The following PPP1R21 variants were observed in gnomAD, a reference collection of about 807,000 sequenced individuals.
PPP1R21 encodes KLRAQ motif containing 1.
Under a neutral mutation model 112.8 loss-of-function variants are expected in PPP1R21, and 85 were observed. That is an observed-to-expected ratio of 0.75 (90% CI 0.63 to 0.90). The LOEUF (loss-of-function observed/expected upper bound fraction) is 0.90. Among genes scored for constraint, PPP1R21 ranks in the 40% least tolerant of loss-of-function variants. The probability of loss-of-function intolerance (pLI) is 0.00; values close to 1 mark genes in which losing one functional copy is unlikely to be tolerated. For synonymous variants in PPP1R21, 381 were observed against 322.3 expected (o/e 1.18, Z -1.95); for missense variants, 1,199 against 901.5 (o/e 1.33, Z -4.23).
intron 21 of PPP1R21, among the ~76,000 whole-genome samples, chr2:48,514,153 T>G (rs1250528823): frequency 7.2e-6 from 1 of 139,364 alleles, no homozygotes; most frequent in Non-Finnish European, 1.5e-5. Context: ...CGGCGCCATC[T>G]TGGCTCACTG....
chr2:48,443,674 C>A (rs967518859), intron 1 of PPP1R21, among the ~76,000 whole-genome samples: 1 of 152,212 alleles, frequency 6.6e-6, no homozygotes, highest in African/African-American at 2.4e-5. Flanking sequence ...CACAGGAGAA[C>A]AGATCCTGAT....
chr2:48,491,127 A>G lies in PPP1R21; in HGVS notation c.1556A>G (p.Gln519Arg). The G allele has an allele frequency of 1.2e-6, 2 of 1,614,138 alleles. No homozygotes were observed. Among genetic ancestry groups the G allele is most frequent in the African/African-American group, 1.3e-5 (1 of 75,060 alleles). ...CCTCTTTCAGCTGAATGCATGCTAC[A>G]GTATAAGAAAAAAGCTGCTGCCTAT... Reference protein sequence around the residue: ...ISPLSAECMLQYKKKAAAYMK... With the variant: ...ISPLSAECMLRYKKKAAAYMK... Residue 519 changes from glutamine (Q) to arginine (R), a missense_variant, in exon 15 of 22, where the codon CAG (glutamine) becomes CGG (arginine). Coordinates refer to ENST00000294952, the MANE Select transcript of PPP1R21 (RefSeq NM_001135629.3).
rs2103849628 is a variant in PPP1R21 at position 48,471,133 on chromosome 2, A to G, written c.944A>G (p.Glu315Gly). The G allele has an allele frequency of 1.2e-6, 2 of 1,613,154 alleles. No homozygotes were observed. The highest frequency in any genetic ancestry group is 3.3e-4 in the Middle Eastern group (2 of 6,058). Residue 315 changes from glutamate (E) to glycine (G), a missense_variant, in exon 10 of 22, where the codon GAG becomes GGG. Coordinates refer to ENST00000294952, the MANE Select transcript of PPP1R21 (RefSeq NM_001135629.3). ...AATGCGTCCTATGTCCGCCCTCTTG[A>G]GGAAGGAATGCTTCATTTATTTGAA... ...HENASYVRPL[E>G]EGMLHLFESI... is the part of the protein sequence containing the mutation.
At chr2:48,479,165 G>A (rs1668891343) in intron 12 of PPP1R21, among the ~76,000 whole-genome samples, 1 of 152,186 alleles carries the variant, frequency 6.6e-6, no homozygotes, top group Admixed American at 6.5e-5. Context: ...GTGAAAGAAG[G>A]GGAACGTTCC....
chr2:48,506,877 C>T (rs1399331647), intron 18 of PPP1R21, among the ~76,000 whole-genome samples: 1 of 146,880 alleles, frequency 6.8e-6, no homozygotes, highest in Non-Finnish European at 1.5e-5. Flanking sequence ...ACCTGGGAGG[C>T]GGAGCTTGCA....
chr2:48,444,669 A>G (rs1667171974), intron 1 of PPP1R21, among the ~76,000 whole-genome samples: 3 of 152,196 alleles, frequency 2.0e-5, no homozygotes, highest in African/African-American at 7.2e-5. Flanking sequence ...TCATCTGGGA[A>G]TGGGTTAGAA....
At chr2:48,490,965 T>C in intron 14 of PPP1R21, 53 bp from the exon 15 acceptor site, 1 of 1,476,914 alleles carries the variant, frequency 6.8e-7, no homozygotes, top group South Asian at 1.1e-5. Context: ...AGATATATAT[T>C]TTAGATATAT....
At chr2:48,443,941 C>G (rs1667143603) in intron 1 of PPP1R21, among the ~76,000 whole-genome samples, 1 of 152,122 alleles carries the variant, frequency 6.6e-6, no homozygotes, top group Non-Finnish European at 1.5e-5. Flanking sequence ...ATCCCTAAGC[C>G]AAGGACATTG....
chr2:48,448,419 T>C (rs930010721), intron 1 of PPP1R21, among the ~76,000 whole-genome samples: 11 of 152,226 alleles, frequency 7.2e-5, no homozygotes, highest in Non-Finnish European at 1.6e-4. Context: ...GATGAGGTTT[T>C]TTTTCTTAAA....
chr2:48,474,951 T>A, intron 12 of PPP1R21, 132 bp downstream of exon 12: 2 of 710,510 alleles, frequency 2.8e-6, no homozygotes, highest in South Asian at 4.1e-5. Flanking sequence ...GAATTCAAAT[T>A]CTCTAGCCCC....
Position 48,498,672 on chromosome 2 carries a change from T to C in PPP1R21, c.1872T>C (p.Asn624=), listed in dbSNP as rs749297763. 6.2e-7 allele frequency: 1 copy of C among 1,614,244 alleles called. No homozygotes were observed. Among genetic ancestry groups the C allele is most frequent in the South Asian group, 1.1e-5 (1 of 91,082 alleles). Residue 624 remains asparagine (N), a synonymous_variant, in exon 17 of 22, where the codon AAT becomes AAC. Transcript: ENST00000294952. The part of the protein sequence containing the change: ...GLAQENAAVS[N]TAGQDEATAK... ...CCCAGGAAAATGCTGCTGTGTCAAA[T>C]ACTGCTGGCCAGGATGAAGCCACAG...
intron 15 of PPP1R21, among the ~76,000 whole-genome samples, chr2:48,493,371 A>C (rs1252993558): frequency 6.6e-6 from 1 of 152,076 alleles, no homozygotes; most frequent in East Asian, 1.9e-4. Context: ...AAGAATGTTA[A>C]TTTTGTGTTT....
chr2:48,487,520 C>G (rs1235981381), intron 14 of PPP1R21, among the ~76,000 whole-genome samples: 3 of 151,944 alleles, frequency 2.0e-5, no homozygotes, highest in Non-Finnish European at 2.9e-5. Context: ...CCCAGCACTT[C>G]GAGAGGCTGA....
At chr2:48,442,023 A>T (rs1667052237) in intron 1 of PPP1R21, among the ~76,000 whole-genome samples, 1 of 152,240 alleles carries the variant, frequency 6.6e-6, no homozygotes, top group African/African-American at 2.4e-5. Flanking sequence ...TCACCATCAC[A>T]TAGGAGTCTT....
intron 18 of PPP1R21, 141 bp downstream of exon 18, chr2:48,505,737 T>C: frequency 1.3e-6 from 1 of 740,800 alleles, no homozygotes. Context: ...AGCCAGTGTT[T>C]TCCACCTTCG....
intron 9 of PPP1R21, among the ~76,000 whole-genome samples, chr2:48,467,284 G>A (rs183271631): frequency 3.0e-4 from 45 of 152,006 alleles, no homozygotes; most frequent in African/African-American, 9.9e-4. Context: ...TTTCTCCCCT[G>A]CTAATTCTAA....
chr2:48,454,060 A>G (rs1195216771), intron 2 of PPP1R21, among the ~76,000 whole-genome samples: 1 of 152,110 alleles, frequency 6.6e-6, no homozygotes, highest in African/African-American at 2.4e-5. Flanking sequence ...GGAGTTTGAG[A>G]CCAGCCTGTC....
At chr2:48,459,999 A>T in intron 5 of PPP1R21, 81 bp downstream of exon 5, 11 of 1,591,322 alleles carry the variant, frequency 6.9e-6, no homozygotes, top group Non-Finnish European at 9.4e-6. Flanking sequence ...AGAGTTAGTC[A>T]TTTCTGGTGA....
At chr2:48,494,318 C>A (rs1213330855) in intron 15 of PPP1R21, among the ~76,000 whole-genome samples, 1 of 147,168 alleles carries the variant, frequency 6.8e-6, no homozygotes, top group Non-Finnish European at 1.5e-5. Context: ...AACCTACCAA[C>A]CATCATAGCT....
Sources: gnomAD v4.1 joint callset for allele counts (sites outside exome capture counted in the v4.1 genomes callset) on GRCh38, gnomAD v4.1.1 for gene constraint, MANE v1.5 for transcripts, NCBI Gene and HGNC (gene_info 2026-07-23, HGNC 2026-07-21) for gene names.